ADGRF4: variants seen among roughly 807,000 people sequenced by gnomAD.
ADGRF4 encodes the protein G-protein coupled receptor PGR18.
A neutral mutation model predicts 58.5 loss-of-function variants in ADGRF4; 63 were observed. The observed-to-expected ratio is 1.08, with a 90% CI of 0.88 to 1.33. ADGRF4 has a LOEUF of 1.33. Ranked by LOEUF, ADGRF4 falls within the 40% of genes most tolerant of loss-of-function variation. ADGRF4 has a pLI of 0.00. For synonymous variants in ADGRF4, 313 were observed against 295.4 expected (o/e 1.06, Z -0.61); for missense variants, 931 against 843.9 (o/e 1.10, Z -1.28).
chr6:47,719,896 A>T (rs972484886), intron 9 of ADGRF4, among the ~76,000 whole-genome samples: 1 of 152,246 alleles, frequency 6.6e-6, no homozygotes, highest in African/African-American at 2.4e-5. Context: ...AGAAGTCTTC[A>T]TCACATAATT....
Position 47,714,831 on chromosome 6 carries a change from T to C in ADGRF4, c.1586T>C (p.Ile529Thr). ...FAIGYGCPLI[I>T]AVTTVAITEP... ...ATTGGCTATGGGTGCCCATTGATCATTGCTGTCACTACAGTTGCTATCACA... is the reference window on the plus strand; with the variant it reads ...ATTGGCTATGGGTGCCCATTGATCACTGCTGTCACTACAGTTGCTATCACA... The change falls in exon 6 of 10, where the codon ATT becomes ACT. Residue 529 changes from isoleucine to threonine, a missense_variant. By Grantham distance (89) the Ile-to-Thr change is moderately conservative. Transcript: ENST00000283303. 6.2e-7 allele frequency: 1 copy of C among 1,612,600 alleles called. No homozygotes were observed. The highest frequency in any genetic ancestry group is 2.2e-5 in the East Asian group (1 of 44,816).
intron 1 of ADGRF4, among the ~76,000 whole-genome samples, chr6:47,701,056 G>A (rs1561863394): frequency 6.6e-6 from 1 of 152,212 alleles, no homozygotes; most frequent in Non-Finnish European, 1.5e-5. Flanking sequence ...CGGTGTGAAA[G>A]TCGCTGATTA....
intron 1 of ADGRF4, among the ~76,000 whole-genome samples, chr6:47,702,291 G>A (rs890118042): frequency 2.0e-5 from 3 of 152,052 alleles, no homozygotes; most frequent in African/African-American, 7.3e-5. Flanking sequence ...GTTACCCATC[G>A]TTTCCCAAAC....
intron 6 of ADGRF4, 61 bp downstream of exon 6, chr6:47,715,238 T>A: frequency 1.7e-6 from 2 of 1,199,622 alleles, no homozygotes; most frequent in South Asian, 3.0e-5. Context: ...AAAATGGCTA[T>A]GATTTGAAAT....
At chr6:47,699,660 T>C (rs1771541067) in intron 1 of ADGRF4, among the ~76,000 whole-genome samples, 1 of 152,218 alleles carries the variant, frequency 6.6e-6, no homozygotes, top group Non-Finnish European at 1.5e-5. Context: ...ATGTTTCTGA[T>C]TCTAATAGTT....
intron 1 of ADGRF4, 84 bp from the exon 2 acceptor site, chr6:47,707,146 T>A: frequency 1.3e-6 from 1 of 795,018 alleles, no homozygotes. Context: ...GTGGGTTCAC[T>A]AAGGGGTTGG....
rs765064628 is a variant in ADGRF4 at position 47,707,263 on chromosome 6, G to A, written c.18G>A (p.Gln6=). The A allele has an allele frequency of 2.5e-6, 4 of 1,612,186 alleles. No homozygotes were observed. Among genetic ancestry groups the A allele is most frequent in the African/African-American group, 1.3e-5 (1 of 74,854 alleles). The change falls in exon 2 of 10, where the codon CAG becomes CAA. Residue 6 remains glutamine (Q), a synonymous_variant. Transcript: ENST00000283303. MKMKS[Q]ATMICCLVFF... ...CCTCATGTATGAAAATGAAGTCCCA[G>A]GCAACCATGATTTGCTGCTTAGTGT...
At chr6:47,720,223 C>G (rs919298625) in intron 9 of ADGRF4, among the ~76,000 whole-genome samples, 3 of 152,110 alleles carry the variant, frequency 2.0e-5, no homozygotes, top group Non-Finnish European at 4.4e-5. Flanking sequence ...GGGCCCCACA[C>G]ACAGTGTTCA....
chr6:47,699,733 CT>C (rs1771542666), intron 1 of ADGRF4, among the ~76,000 whole-genome samples: 1 of 152,152 alleles, frequency 6.6e-6, no homozygotes, highest in African/African-American at 2.4e-5. Flanking sequence ...CAAGGGAGAA[CT>C]CTAAGGGTAA....
rs530820131 is a variant in ADGRF4, at chr6:47,704,053, CT to C, written c.-16-3164del. Reference sequence around the variant, plus strand: ...GAAGCCTCAGATAACAGGTGCTATTCTTTTTTTTTTTTTGAGACGGAGTTTT... The same window carrying C: ...GAAGCCTCAGATAACAGGTGCTATTCTTTTTTTTTTTTGAGACGGAGTTTT... On this transcript the variant is annotated intron_variant, in intron 1 of 9. Coordinates refer to ENST00000283303, the MANE Select transcript of ADGRF4 (RefSeq NM_153838.5). Among the ~76,000 whole-genome samples the C allele has an allele frequency of 7.3e-3, 1,060 of 145,622 alleles. 11 individuals carry two copies. The highest frequency in any genetic ancestry group is 0.02 in the African/African-American group (801 of 39,970).
intron 6 of ADGRF4, 51 bp downstream of exon 6, chr6:47,715,228 A>G (rs765156324): frequency 7.8e-7 from 1 of 1,279,046 alleles, no homozygotes; most frequent in Non-Finnish European, 1.1e-6. Flanking sequence ...AGACCACAAA[A>G]AAATGGCTAT....
At chr6:47,719,510 C>T (rs949987909) in intron 9 of ADGRF4, among the ~76,000 whole-genome samples, 1 of 152,170 alleles carries the variant, frequency 6.6e-6, no homozygotes, top group Non-Finnish European at 1.5e-5. Context: ...GATGAAACAT[C>T]GCTATAACGT....
Position 47,714,984 on chromosome 6 carries a change from T to C in ADGRF4, c.1739T>C (p.Val580Ala), listed in dbSNP as rs575007371. The change falls in exon 6 of 10, where the codon GTT becomes GCT. Residue 580 changes from valine (V) to alanine (A), a missense_variant. Val to Ala is a moderately conservative substitution (Grantham distance 64). Transcript: ENST00000283303. Reference sequence around the variant, plus strand: ...GTAAATCTGATTGTGGTTTTGGTTGTTGCTGTCAACACTCAGAGGCCCTCT... The same window carrying C: ...GTAAATCTGATTGTGGTTTTGGTTGCTGCTGTCAACACTCAGAGGCCCTCT... Reference protein sequence around the residue: ...VAVNLIVVLVVAVNTQRPSIG... With the variant: ...VAVNLIVVLVAAVNTQRPSIG... The C allele has an allele frequency of 2.6e-5, 42 of 1,613,484 alleles. No homozygotes were observed. Among genetic ancestry groups the C allele is most frequent in the Non-Finnish European group, 3.3e-5 (39 of 1,179,522 alleles).
chr6:47,704,310 G>A (rs1443815607), intron 1 of ADGRF4, among the ~76,000 whole-genome samples: 1 of 151,922 alleles, frequency 6.6e-6, no homozygotes, highest in African/African-American at 2.4e-5. Context: ...GGATTACAGG[G>A]ATGAGCCACT....
At chr6:47,718,280 G>A in intron 8 of ADGRF4, 109 bp from the exon 9 acceptor site, 1 of 748,212 alleles carries the variant, frequency 1.3e-6, no homozygotes, top group Non-Finnish European at 2.5e-6. Flanking sequence ...ATATCAGTGT[G>A]GGTACTCCTT....
chr6:47,714,138 T>G lies in ADGRF4; in HGVS notation c.893T>G (p.Leu298Trp). ...SQAISIAFPT[L>W]GAILREAHLQ... ...GCCATTAGCATAGCTTTCCCAACCT[T>G]GGGGGCTATCCTGAGAGAAGCCCAC... Residue 298 changes from leucine to tryptophan, a missense_variant, in exon 6 of 10, where the codon TTG becomes TGG. By Grantham distance (61) the Leu-to-Trp change is moderately conservative. Transcript: ENST00000283303. 1 of 1,613,960 alleles carries G rather than the reference T, an allele frequency of 6.2e-7. No homozygotes were observed. Among genetic ancestry groups the G allele is most frequent in the Non-Finnish European group, 8.5e-7 (1 of 1,179,966 alleles).
rs1192975005 is a variant in ADGRF4, at chr6:47,699,927, C to CACACACACACACACA, written c.-17+1133_-17+1134insACACACACACACACA. On this transcript the variant is annotated intron_variant, in intron 1 of 9. Transcript: ENST00000283303. The stretch of plus-strand genomic sequence containing the variant: ...ATACACACACACACACACACACAGA[C>CACACACACACACACA]GACACACCCCCCCCCCCAAAATGTG... Among the ~76,000 whole-genome samples the CACACACACACACACA allele has an allele frequency of 3.0e-4, 37 of 123,528 alleles. No homozygotes were observed. The South Asian group carries it at 9.1e-3, about 30-fold the overall frequency. 81.0% of individuals were successfully genotyped at this position (123,528 alleles called of 152,430 possible).
At chr6:47,716,676 A>C (rs927431294) in intron 6 of ADGRF4, 130 bp from the exon 7 acceptor site, 10 of 706,802 alleles carry the variant, frequency 1.4e-5, no homozygotes, top group Middle Eastern at 7.5e-4. Context: ...TTTTATCTGC[A>C]TTAGTGGAAA....
chr6:47,712,625 A>G lies in ADGRF4; in HGVS notation c.552+17A>G, dbSNP rs369327139. On this transcript the variant is annotated intron_variant, in intron 5 of 9. Transcript: ENST00000283303. Reference sequence around the variant, plus strand: ...AAAATGAAGGTATTCTTTGTTAATCATTTAAAAATGATGTTTTTCTTAAAA... The same window carrying G: ...AAAATGAAGGTATTCTTTGTTAATCGTTTAAAAATGATGTTTTTCTTAAAA... The G allele has an allele frequency of 1.5e-4, 236 of 1,552,530 alleles. No homozygotes were observed. In the African/African-American group the frequency reaches 2.8e-3, roughly 18 times the overall value.
Sources: gnomAD v4.1 joint callset for allele counts (sites outside exome capture counted in the v4.1 genomes callset) on GRCh38, gnomAD v4.1.1 for gene constraint, MANE v1.5 for transcripts, NCBI Gene and HGNC (gene_info 2026-07-23, HGNC 2026-07-21) for gene names.